XIRP2: variants seen among roughly 807,000 people sequenced by gnomAD.
The protein encoded by XIRP2 is xin actin-binding repeat-containing protein 2.
In XIRP2, 236 loss-of-function variants were observed where a neutral mutation model predicts 277.0. The observed-to-expected ratio is 0.85, with a 90% CI of 0.77 to 0.95. The LOEUF (loss-of-function observed/expected upper bound fraction) is 0.95. Ranked by LOEUF, XIRP2 falls within the 40% of genes least tolerant of loss-of-function variation. XIRP2 has a pLI of 0.00. For missense variants in XIRP2, 4,640 were observed against 4,157.5 expected, an observed-to-expected ratio of 1.12 and a Z score of -3.19; for synonymous variants, 1,490 against 1,416.5, an observed-to-expected ratio of 1.05 and a Z score of -1.17.
At chr2:166,949,320 C>T (rs1685967192) in intron 2 of XIRP2, among the ~76,000 whole-genome samples, 2 of 152,096 alleles carry the variant, frequency 1.3e-5, no homozygotes, top group African/African-American at 4.8e-5. Flanking sequence ...ACTTACTTAG[C>T]TCTCTGTGCT....
chr2:167,073,744 G>T (rs989347409), intron 2 of XIRP2, among the ~76,000 whole-genome samples: 1 of 152,078 alleles, frequency 6.6e-6, no homozygotes, highest in Admixed American at 6.5e-5. Flanking sequence ...GAAATACTTT[G>T]ATGTATATGG....
chr2:167,252,326 A>G (rs1559046599), intron 9 of XIRP2, among the ~76,000 whole-genome samples: 2 of 152,030 alleles, frequency 1.3e-5, no homozygotes, highest in South Asian at 2.1e-4. Context: ...TTTAACTGCC[A>G]GGTTTAAATG....
chr2:167,188,809 G>A (rs1693240317), intron 3 of XIRP2, among the ~76,000 whole-genome samples: 1 of 152,180 alleles, frequency 6.6e-6, no homozygotes, highest in African/African-American at 2.4e-5. Context: ...CTGGAGTTTG[G>A]ACTAAATGTT....
intron 3 of XIRP2, chr2:167,140,762 A>G (rs914263000): frequency 3.9e-5 from 6 of 152,164 alleles, no homozygotes; most frequent in Admixed American, 3.9e-4. Context: ...TAAAGAATCC[A>G]TTTTTTGTAT....
At chr2:166,972,908 G>A (rs1002572986) in intron 2 of XIRP2, among the ~76,000 whole-genome samples, 1 of 152,122 alleles carries the variant, frequency 6.6e-6, no homozygotes, top group Admixed American at 6.6e-5. Context: ...CAATTATTTT[G>A]TGTTCCAGAT....
At position 167,051,774 on chromosome 2, in the gene XIRP2, C is replaced by T. The variant is rs77935151; in HGVS notation, c.409-84135C>T. Among the ~76,000 whole-genome samples the T allele has an allele frequency of 4.0e-3, 615 of 152,080 alleles. 34 individuals carry two copies. The East Asian group carries it at 0.095, about 24-fold the overall frequency. On this transcript the variant is annotated intron_variant, in intron 2 of 10. Transcript: ENST00000409195. ...GATATTCTATTTGGGGAAATTTTGT[C>T]AAGCACATTTGAAGAAATTTTTAGT...
rs184675153 is a variant in XIRP2 at position 166,979,580 on chromosome 2, G to A, written c.408+75690G>A. Among the ~76,000 whole-genome samples the A allele has an allele frequency of 2.3e-3, 349 of 151,420 alleles. 2 individuals are homozygous for A. The highest frequency in any genetic ancestry group is 7.8e-3 in the African/African-American group (324 of 41,326). Reference sequence around the variant, plus strand: ...CTTTTTTATTCTTTGTTTCTGCAACGGTTGTTTTTACCATGAATAGTATTA... The same window carrying A: ...CTTTTTTATTCTTTGTTTCTGCAACAGTTGTTTTTACCATGAATAGTATTA... On this transcript the variant is annotated intron_variant, in intron 2 of 10. Coordinates refer to ENST00000409195, the MANE Select transcript of XIRP2 (RefSeq NM_152381.6).
intron 5 of XIRP2, among the ~76,000 whole-genome samples, chr2:167,237,301 T>C (rs1353861625): frequency 6.6e-6 from 1 of 152,222 alleles, no homozygotes; most frequent in Non-Finnish European, 1.5e-5. Context: ...ATTACATTTA[T>C]TTACAGTTTT....
At chr2:167,088,459 A>G (rs769378701) in intron 2 of XIRP2, among the ~76,000 whole-genome samples, 52 of 152,206 alleles carry the variant, frequency 3.4e-4, no homozygotes, top group Middle Eastern at 3.4e-3. Flanking sequence ...CTTGGCTTCT[A>G]ACTCAGTTTT....
At chr2:167,210,627 T>G (rs1305991601) in intron 3 of XIRP2, 108 bp from the exon 4 acceptor site, 1 of 1,379,220 alleles carries the variant, frequency 7.3e-7, no homozygotes, top group African/African-American at 1.4e-5. Flanking sequence ...AATGCTACAG[T>G]CCATTTTACG....
intron 2 of XIRP2, among the ~76,000 whole-genome samples, chr2:167,064,641 C>T (rs997758709): frequency 6.6e-6 from 1 of 151,808 alleles, no homozygotes; most frequent in Non-Finnish European, 1.5e-5. Flanking sequence ...AATTTCTATA[C>T]TCATTAAACA....
intron 2 of XIRP2, among the ~76,000 whole-genome samples, chr2:167,053,527 G>A (rs1688967295): frequency 6.6e-6 from 1 of 152,004 alleles, no homozygotes; most frequent in South Asian, 2.1e-4. Flanking sequence ...TGACATAAAT[G>A]TCTAATGAAA....
chr2:167,167,170 T>C (rs1269307382), intron 3 of XIRP2, among the ~76,000 whole-genome samples: 1 of 152,184 alleles, frequency 6.6e-6, no homozygotes, highest in Non-Finnish European at 1.5e-5. Context: ...TTTTAATTAA[T>C]GTTAACATGG....
rs140914185 is a variant in XIRP2 at position 166,901,269 on chromosome 2, C to G, written c.-18-2196C>G. Among the ~76,000 whole-genome samples the G allele has an allele frequency of 7.2e-5, 11 of 152,172 alleles. No homozygotes were observed. The East Asian group carries it at 1.9e-3, about 27-fold the overall frequency. ...CTTTATATATGAAGCAAAAAGAAAT[C>G]CTGGGAATTCACCGCCTTATTGTTC... On this transcript the variant is annotated intron_variant, in intron 1 of 10. Transcript: ENST00000409195.
chr2:166,899,074 GTT>G (rs1289459126), intron 1 of XIRP2, among the ~76,000 whole-genome samples: 3 of 151,970 alleles, frequency 2.0e-5, no homozygotes. Flanking sequence ...TCTGTTGTGT[GTT>G]TCTCTCTTTC....
intron 2 of XIRP2, among the ~76,000 whole-genome samples, chr2:167,008,040 A>T (rs1687553887): frequency 6.6e-6 from 1 of 151,412 alleles, no homozygotes; most frequent in African/African-American, 2.4e-5. Context: ...TGTCTTCTTA[A>T]AGGGGATGTC....
intron 2 of XIRP2, among the ~76,000 whole-genome samples, chr2:167,120,707 A>G (rs185491748): frequency 1.3e-5 from 2 of 152,294 alleles, no homozygotes. Flanking sequence ...GAGATCATGT[A>G]TCTCAGGCTC....
intron 3 of XIRP2, among the ~76,000 whole-genome samples, chr2:167,200,125 A>C (rs1241597566): frequency 6.6e-6 from 1 of 152,216 alleles, no homozygotes; most frequent in Non-Finnish European, 1.5e-5. Context: ...ACATAACAAT[A>C]TATTTAGGGG....
At chr2:166,948,881 A>T (rs1685952400) in intron 2 of XIRP2, among the ~76,000 whole-genome samples, 1 of 152,074 alleles carries the variant, frequency 6.6e-6, no homozygotes, top group South Asian at 2.1e-4. Context: ...GAAAAGAAAT[A>T]CCAAAAGAAG....
Sources: allele counts gnomAD v4.1 joint callset (sites outside exome capture counted in the v4.1 genomes callset), GRCh38; gene constraint gnomAD v4.1.1; transcripts MANE v1.5; gene names NCBI Gene and HGNC (gene_info 2026-07-23, HGNC 2026-07-21).